The following MYO16 variants were observed in gnomAD, a reference collection of about 807,000 sequenced individuals.
MYO16 encodes the protein myosin XVI, also known as unconventional myosin-XVI.
A neutral mutation model predicts 205.3 loss-of-function variants in MYO16; 94 were observed. The observed-to-expected ratio is 0.46, with a 90% CI of 0.39 to 0.54. MYO16 has a LOEUF of 0.54. MYO16 is among the 20% of genes least tolerant of loss of function. The pLI is 0.00. For synonymous variants in MYO16, 988 were observed against 954.0 expected, an observed-to-expected ratio of 1.04 and a Z score of -0.66; for missense variants, 2,315 against 2,387.5, an observed-to-expected ratio of 0.97 and a Z score of 0.63.
chr13:108,570,236 C>T, the MYO16 span, among the ~76,000 whole-genome samples: 1 of 151,856 alleles, frequency 6.6e-6, no homozygotes, highest in Non-Finnish European at 1.5e-5. Flanking sequence ...TTCTGTTCTT[C>T]CTTTTCCTTT....
intron 20 of MYO16, 34 bp from the exon 21 acceptor site, chr13:108,992,342 T>C (rs1193068499): frequency 6.7e-7 from 1 of 1,500,378 alleles, no homozygotes; most frequent in Admixed American, 1.8e-5. Context: ...GTTTTAAGGA[T>C]GCCCATTTAT....
At chr13:108,679,745 T>C (rs997081821) in intron 2 of MYO16, among the ~76,000 whole-genome samples, 1 of 150,404 alleles carries the variant, frequency 6.6e-6, no homozygotes, top group Non-Finnish European at 1.5e-5. Flanking sequence ...TAATAATAAA[T>C]AAAAATAAAT....
intron 33 of MYO16, among the ~76,000 whole-genome samples, chr13:109,175,067 A>G (rs943292133): frequency 1.3e-5 from 2 of 151,882 alleles, no homozygotes; most frequent in Non-Finnish European, 2.9e-5. Context: ...TTTTCTTTTT[A>G]TAAGAATTTA....
intron 1 of MYO16, among the ~76,000 whole-genome samples, chr13:108,648,304 T>C (rs914708624): frequency 6.6e-6 from 1 of 152,190 alleles, no homozygotes; most frequent in African/African-American, 2.4e-5. Context: ...GGAGAAGCAC[T>C]GAATACTGAT....
intron 34 of MYO16, among the ~76,000 whole-genome samples, chr13:109,193,279 A>G (rs55935772): frequency 0.12 from 17,679 of 152,228 alleles, 1,337 homozygotes; most frequent in African/African-American, 0.21. Flanking sequence ...AGAAATAGAA[A>G]TATTTTAATA....
At chr13:108,839,529 A>T (rs1268402384) in intron 9 of MYO16, among the ~76,000 whole-genome samples, 1 of 152,204 alleles carries the variant, frequency 6.6e-6, no homozygotes, top group Non-Finnish European at 1.5e-5. Flanking sequence ...ATATGTAGAT[A>T]GCTACATAGA....
At chr13:108,833,211 T>G (rs2139045816) in intron 9 of MYO16, among the ~76,000 whole-genome samples, 1 of 152,202 alleles carries the variant, frequency 6.6e-6, no homozygotes, top group East Asian at 1.9e-4. Flanking sequence ...TTTTATTTGC[T>G]TTTTAGACAC....
rs1475386625 is a variant in MYO16 at position 109,044,679 on chromosome 13, G to A, written c.2797-2237G>A. 3.3e-5 allele frequency among the ~76,000 whole-genome samples: 5 copies of A among 152,262 alleles called. No individual in the cohort carries two copies. The East Asian group carries it at 9.7e-4, about 29-fold the overall frequency. ...TAAGAGCACAACACAGTAGGACTTTGTAGAGATTACCCACACTATTTGTAA... is the reference window on the plus strand; with the variant it reads ...TAAGAGCACAACACAGTAGGACTTTATAGAGATTACCCACACTATTTGTAA... On this transcript the variant is annotated intron_variant, in intron 23 of 34. Transcript: ENST00000457511.
chr13:108,676,403 G>GTGTGTGTGTT (rs143639000), intron 2 of MYO16, among the ~76,000 whole-genome samples: 6,259 of 148,168 alleles, frequency 0.042, 173 homozygotes, highest in East Asian at 0.081. Flanking sequence ...GTGTGTGTGT[G>GTGTGTGTGTT]TGTGCCAGCC....
intron 31 of MYO16, among the ~76,000 whole-genome samples, chr13:109,136,043 TTTTC>T (rs371605109): frequency 9.9e-4 from 151 of 152,156 alleles, no homozygotes; most frequent in African/African-American, 2.5e-3. Context: ...AAGTCATTTC[TTTTC>T]TTTCTTTCTC....
chr13:109,078,608 A>G (rs1297534420), intron 27 of MYO16, among the ~76,000 whole-genome samples: 2 of 152,102 alleles, frequency 1.3e-5, no homozygotes, highest in Non-Finnish European at 2.9e-5. Context: ...TTTGAATAGT[A>G]CCAGAGTTTT....
At chr13:109,001,981 C>T (rs867328947) in intron 21 of MYO16, among the ~76,000 whole-genome samples, 4 of 152,246 alleles carry the variant, frequency 2.6e-5, no homozygotes, top group Middle Eastern at 3.4e-3. Flanking sequence ...TATATATACA[C>T]ATATATATTA....
At position 109,094,616 on chromosome 13, in the gene MYO16, G is replaced by A. The variant is rs116041551; in HGVS notation, c.3336-6169G>A. Among the ~76,000 whole-genome samples the A allele has an allele frequency of 5.7e-3, 875 of 152,298 alleles. 8 individuals carry two copies. Among genetic ancestry groups the A allele is most frequent in the African/African-American group, 0.02 (835 of 41,554 alleles). ...AGGTATACACATGCCATGGTTGTTT[G>A]TTGCACCTATCAACCTGTCATCTAC... On this transcript the variant is annotated intron_variant, in intron 27 of 34. Transcript: ENST00000457511.
chr13:108,708,624 T>C (rs1883605433), intron 2 of MYO16, among the ~76,000 whole-genome samples: 1 of 152,226 alleles, frequency 6.6e-6, no homozygotes. Flanking sequence ...AGAACGCAGG[T>C]ATGCTTAGTT....
At chr13:109,135,123 A>G (rs1188501783) in intron 31 of MYO16, among the ~76,000 whole-genome samples, 1 of 152,162 alleles carries the variant, frequency 6.6e-6, no homozygotes, top group Non-Finnish European at 1.5e-5. Context: ...AAGTTGCCTG[A>G]TCCCCCCACA....
intron 4 of MYO16, among the ~76,000 whole-genome samples, chr13:108,759,404 C>T (rs1183882327): frequency 6.6e-6 from 1 of 152,178 alleles, no homozygotes; most frequent in Non-Finnish European, 1.5e-5. Flanking sequence ...TTATTATGTA[C>T]TGTTTGTTAA....
At chr13:108,649,868 C>A (rs2139398379) in intron 1 of MYO16, among the ~76,000 whole-genome samples, 1 of 152,216 alleles carries the variant, frequency 6.6e-6, no homozygotes, top group East Asian at 1.9e-4. Flanking sequence ...TGCAGAATTT[C>A]TTTCATCTGA....
intron 4 of MYO16, among the ~76,000 whole-genome samples, chr13:108,761,000 A>G (rs196187): frequency 1 from 151,590 of 152,350 alleles, 75,419 homozygotes; most frequent in Middle Eastern, 1. Context: ...GCAAATGACA[A>G]GGTTTCATTC....
chr13:109,091,022 C>T (rs1435666839), intron 27 of MYO16, among the ~76,000 whole-genome samples: 1 of 152,166 alleles, frequency 6.6e-6, no homozygotes, highest in Non-Finnish European at 1.5e-5. Context: ...ATGCAGCCTT[C>T]TGAATGCTGG....
Sources: allele counts gnomAD v4.1 joint callset (sites outside exome capture counted in the v4.1 genomes callset), GRCh38; gene constraint gnomAD v4.1.1; transcripts MANE v1.5; gene names NCBI Gene and HGNC (gene_info 2026-07-23, HGNC 2026-07-21).